SLC25A28: variants seen among roughly 807,000 people sequenced by gnomAD.
The protein encoded by SLC25A28 is solute carrier family 25 member 28.
Under a neutral mutation model 31.9 loss-of-function variants are expected in SLC25A28, and 10 were observed. The ratio of observed to expected loss-of-function variants is 0.31; its 90% CI spans 0.19 to 0.53. SLC25A28 has a LOEUF of 0.53. Ranked by LOEUF, SLC25A28 falls within the 20% of genes least tolerant of loss-of-function variation. The pLI is 0.95. For synonymous variants in SLC25A28, 208 were observed against 203.6 expected, an observed-to-expected ratio of 1.02 and a Z score of -0.19; for missense variants, 256 against 490.3, an observed-to-expected ratio of 0.52 and a Z score of 4.51.
chr10:99,652,565 C>T, the SLC25A28 span, among the ~76,000 whole-genome samples: 1 of 152,130 alleles, frequency 6.6e-6, no homozygotes, highest in Non-Finnish European at 1.5e-5. Context: ...TGTGCCATTC[C>T]TAGGGCCAGG....
At chr10:99,639,449 C>G in the SLC25A28 span, among the ~76,000 whole-genome samples, 1 of 151,800 alleles carries the variant, frequency 6.6e-6, no homozygotes, top group Non-Finnish European at 1.5e-5. Flanking sequence ...CATATGTAAC[C>G]AAATACCACC....
Position 99,610,535 on chromosome 10 carries a change from C to T in SLC25A28, c.*314G>A, listed in dbSNP as rs1436535959. ...CCAATGAAACCATTTAATTTAAAGG[C>T]TTTTTATTAGGAACCAGGGGAATGA... On this transcript the variant is annotated 3_prime_UTR_variant, in exon 4 of 4. Coordinates refer to ENST00000370495, the MANE Select transcript of SLC25A28 (RefSeq NM_031212.4). 1 of 292,584 alleles carries T rather than the reference C, an allele frequency of 3.4e-6. No individual in the cohort carries two copies. Among genetic ancestry groups the T allele is most frequent in the Admixed American group, 4.6e-5 (1 of 21,756 alleles). 18.1% of individuals were successfully genotyped at this position (292,584 alleles called of 1,614,324 possible). A position where few individuals can be genotyped will look rare whatever the true frequency, so the allele number is the denominator to read the frequency against.
upstream of SLC25A28, among the ~76,000 whole-genome samples, chr10:99,623,919 C>G (rs1221641116): frequency 6.6e-6 from 1 of 152,172 alleles, no homozygotes. Flanking sequence ...TATTCCACAC[C>G]ATAGCATAAA....
intron 1 of SLC25A28, chr10:99,619,265 C>A (rs2034729185): frequency 1.0e-6 from 1 of 985,424 alleles, no homozygotes; most frequent in East Asian, 1.1e-4. Context: ...TACCGTCACA[C>A]TTCCTTTCTA....
At chr10:99,631,944 C>T in the SLC25A28 span, among the ~76,000 whole-genome samples, 3 of 122,436 alleles carry the variant, frequency 2.5e-5, no homozygotes, top group African/African-American at 9.4e-5. Flanking sequence ...GGCCGGACTG[C>T]GGACTGCAGT....
chr10:99,626,638 C>G, the SLC25A28 span, among the ~76,000 whole-genome samples: 1 of 152,176 alleles, frequency 6.6e-6, no homozygotes, highest in Admixed American at 6.5e-5. Context: ...GCTGGCAAAG[C>G]CTTCAATCAA....
chr10:99,620,944 A>G (rs961854115), upstream of SLC25A28: 1 of 958,006 alleles, frequency 1.0e-6, no homozygotes, highest in African/African-American at 2.0e-5. Context: ...CGCCGTTACG[A>G]CCCGCGCTCC....
intron 1 of SLC25A28, chr10:99,616,738 G>C (rs2034666012): frequency 1.0e-6 from 1 of 985,200 alleles, no homozygotes; most frequent in African/African-American, 1.7e-5. Context: ...TGGAAGGCTT[G>C]AGAGTCTGAT....
chr10:99,620,810 GC>G, upstream of SLC25A28: 1 of 985,466 alleles, frequency 1.0e-6, no homozygotes, highest in Non-Finnish European at 1.2e-6. Flanking sequence ...AGAGCGACGC[GC>G]CCAGGGACTC....
chr10:99,646,572 G>A, the SLC25A28 span, among the ~76,000 whole-genome samples: 1 of 152,180 alleles, frequency 6.6e-6, no homozygotes, highest in East Asian at 1.9e-4. Flanking sequence ...CTGTCTGACA[G>A]GCTCCAGTGA....
chr10:99,615,986 C>G, intron 1 of SLC25A28: 1 of 985,400 alleles, frequency 1.0e-6, no homozygotes, highest in South Asian at 4.7e-5. Context: ...CTAAATCTAA[C>G]TCAACAATTC....
chr10:99,637,396 TCTCACCA>T, the SLC25A28 span, among the ~76,000 whole-genome samples: 1 of 152,226 alleles, frequency 6.6e-6, no homozygotes, highest in Middle Eastern at 3.4e-3. Flanking sequence ...GGTTGCCCAC[TCTCACCA>T]CTCCTCTTCA....
the SLC25A28 span, among the ~76,000 whole-genome samples, chr10:99,639,986 C>T: frequency 6.6e-6 from 1 of 152,060 alleles, no homozygotes; most frequent in Admixed American, 6.5e-5. Context: ...AACAAAAAAG[C>T]TAGGAAGCTA....
At chr10:99,619,516 A>T in intron 1 of SLC25A28, 1 of 682,216 alleles carries the variant, frequency 1.5e-6, no homozygotes, top group Non-Finnish European at 1.8e-6. Flanking sequence ...CTGCACAATG[A>T]TTTCCAATCA....
At chr10:99,652,662 G>T in the SLC25A28 span, among the ~76,000 whole-genome samples, 2 of 151,986 alleles carry the variant, frequency 1.3e-5, no homozygotes, top group African/African-American at 4.8e-5. Flanking sequence ...CAAGAGAAGG[G>T]GTTACGTTCC....
chr10:99,643,460 C>A, the SLC25A28 span, among the ~76,000 whole-genome samples: 1 of 151,958 alleles, frequency 6.6e-6, no homozygotes, highest in South Asian at 2.1e-4. Context: ...TCTCTCTTTT[C>A]TTCTTTATTA....
At chr10:99,651,137 A>G in the SLC25A28 span, among the ~76,000 whole-genome samples, 13 of 151,992 alleles carry the variant, frequency 8.6e-5, no homozygotes, top group African/African-American at 3.1e-4. Flanking sequence ...CCCTCTCCTT[A>G]TTTACTTCTG....
chr10:99,656,242 G>T, the SLC25A28 span, among the ~76,000 whole-genome samples: 1 of 152,306 alleles, frequency 6.6e-6, no homozygotes, highest in Non-Finnish European at 1.5e-5. Context: ...CTCAGGAGGG[G>T]CATGGGTCTG....
At chr10:99,652,698 AC>A in the SLC25A28 span, among the ~76,000 whole-genome samples, 2 of 152,124 alleles carry the variant, frequency 1.3e-5, no homozygotes. Flanking sequence ...CTGTTCAAGT[AC>A]TACGGGCTTT....
Sources: allele counts gnomAD v4.1 joint callset (sites outside exome capture counted in the v4.1 genomes callset), GRCh38; gene constraint gnomAD v4.1.1; transcripts MANE v1.5; gene names NCBI Gene and HGNC (gene_info 2026-07-23, HGNC 2026-07-21).